The following SEPSECS variants were observed in gnomAD, a reference collection of about 807,000 sequenced individuals.
SEPSECS encodes O-phosphoseryl-tRNA(Sec) selenium transferase.
Under a neutral mutation model 52.1 loss-of-function variants are expected in SEPSECS, and 42 were observed. The observed-to-expected ratio is 0.81, with a 90% confidence interval of 0.63 to 1.04. The LOEUF is 1.04. Among genes scored for constraint, SEPSECS ranks in the 50% least tolerant of loss-of-function variants. The probability of loss-of-function intolerance (pLI) is 0.00; values close to 1 mark genes in which losing one functional copy is unlikely to be tolerated. For missense variants in SEPSECS, 590 were observed against 610.6 expected (o/e 0.97, Z 0.36); for synonymous variants, 216 against 211.4 (o/e 1.02, Z -0.19).
chr4:25,152,241 T>G (rs572968777), intron 5 of SEPSECS, among the ~76,000 whole-genome samples, 179 bp from the exon 6 acceptor site: 2 of 152,210 alleles, frequency 1.3e-5, no homozygotes, highest in Non-Finnish European at 2.9e-5. Context: ...TGGAAATACA[T>G]AGCAAGCTCT....
rs563170227 is a variant in SEPSECS, at chr4:25,137,368, A to G, written c.1026+7406T>C. ...CAATGAACGTAAACAAATTTACAAG[A>G]AAAAAAATCAAACAACCCCATAAAA... On this transcript the variant is annotated intron_variant, in intron 8 of 10. Coordinates refer to ENST00000382103, the MANE Select transcript of SEPSECS (RefSeq NM_016955.4). Among the ~76,000 whole-genome samples, 16 of 152,160 alleles carry G rather than the reference A, an allele frequency of 1.1e-4. 1 individual carries two copies. The highest frequency in any genetic ancestry group is 9.8e-4 in the Admixed American group (15 of 15,276).
intron 8 of SEPSECS, among the ~76,000 whole-genome samples, chr4:25,127,848 T>C (rs1728445763): frequency 6.6e-6 from 1 of 152,180 alleles, no homozygotes; most frequent in Admixed American, 6.5e-5. Context: ...CCCCACATAA[T>C]GTGACCCAGC....
chr4:25,159,892 C>T, intron 1 of SEPSECS: 2 of 1,153,550 alleles, frequency 1.7e-6, no homozygotes, highest in Non-Finnish European at 2.2e-6. Flanking sequence ...TCTACAAACA[C>T]CATTATGTGT....
Position 25,145,878 on chromosome 4 carries a change from A to G in SEPSECS, c.805-745T>C, listed in dbSNP as rs115115618. On this transcript the variant is annotated intron_variant, in intron 6 of 10. Coordinates refer to ENST00000382103, the MANE Select transcript of SEPSECS (RefSeq NM_016955.4). ...CAAAGTTTTACTTTTAACATCACTT[A>G]ATGGAAGTTTTATTTGTATACTCTT... 8.1e-3 allele frequency among the ~76,000 whole-genome samples: 1,230 copies of G among 152,272 alleles called. 17 individuals are homozygous for G. The highest frequency in any genetic ancestry group is 0.028 in the African/African-American group (1,150 of 41,546).
chr4:25,158,928 T>C (rs993174396), intron 2 of SEPSECS, 25 bp downstream of exon 2: 1 of 1,605,826 alleles, frequency 6.2e-7, no homozygotes, highest in Non-Finnish European at 8.5e-7. Context: ...ACGATGTATC[T>C]CCTGTACTAC....
intron 8 of SEPSECS, among the ~76,000 whole-genome samples, chr4:25,130,809 C>T (rs16876884): frequency 0.16 from 24,889 of 151,988 alleles, 2,099 homozygotes; most frequent in East Asian, 0.31. Context: ...CAGTTTTTTA[C>T]CTGATATATT....
intron 8 of SEPSECS, among the ~76,000 whole-genome samples, chr4:25,137,768 A>G (rs1728900511): frequency 6.6e-6 from 1 of 152,234 alleles, no homozygotes; most frequent in South Asian, 2.1e-4. Context: ...ATGCACATGT[A>G]TGTTCAATGC....
chr4:25,147,990 T>C (rs1353445766), intron 6 of SEPSECS, among the ~76,000 whole-genome samples: 1 of 152,152 alleles, frequency 6.6e-6, no homozygotes, highest in East Asian at 1.9e-4. Context: ...ACTTATTTTA[T>C]TTCCCCATGT....
Position 25,159,010 on chromosome 4 carries a change from C to T in SEPSECS, c.212G>A (p.Gly71Asp). 6.2e-7 allele frequency: 1 copy of T among 1,613,872 alleles called. No homozygotes were observed. The highest frequency in any genetic ancestry group is 8.5e-7 in the Non-Finnish European group (1 of 1,179,850). Residue 71 changes from glycine to aspartate, a missense_variant, in exon 2 of 11, where the codon GGT (glycine) becomes GAT (aspartate). Transcript: ENST00000382103. ...MDSNNFLGNC[G>D]VGEREGRVAS... ...CACTCTCCCTTCCCTTTCTCCCACA[C>T]CACAATTGCCTAAGAAATTGTTGCT... is the stretch of plus-strand genomic sequence containing the variant.
chr4:25,126,252 G>T (rs1368890458), intron 9 of SEPSECS, among the ~76,000 whole-genome samples: 2 of 152,020 alleles, frequency 1.3e-5, no homozygotes, highest in Admixed American at 1.3e-4. Context: ...ATTTACTAAG[G>T]ACTCGCCATG....
chr4:25,160,387 T>A lies in SEPSECS; in HGVS notation c.-18A>T. 1 of 1,539,620 alleles carries A rather than the reference T, an allele frequency of 6.5e-7. No individual in the cohort carries two copies. The highest frequency in any genetic ancestry group is 2.0e-5 in the Admixed American group (1 of 50,546). ...CGGTTCATGACAGCGGTGGCGACAG[T>A]GGCGAATAAGCGGGAGCACTAGCTC... is the stretch of plus-strand genomic sequence containing the variant. On this transcript the variant is annotated 5_prime_UTR_variant, in exon 1 of 11. Coordinates refer to ENST00000382103, the MANE Select transcript of SEPSECS (RefSeq NM_016955.4).
intron 1 of SEPSECS, chr4:25,159,849 C>T (rs1712948580): frequency 9.2e-7 from 1 of 1,082,764 alleles, no homozygotes; most frequent in Non-Finnish European, 1.1e-6. Context: ...TGTGAAGTTC[C>T]GCGGAAAGCT....
At position 25,120,139 on chromosome 4, in the gene SEPSECS, T is replaced by G. The variant is rs1020370750; in HGVS notation, c.*3792A>C. On this transcript the variant is annotated 3_prime_UTR_variant, in exon 11 of 11. Coordinates refer to ENST00000382103, the MANE Select transcript of SEPSECS (RefSeq NM_016955.4). ...GGTAAAACAGGTTAGCAGGCTGACA[T>G]CAGCTTCATATTCTCATGGCTAAAA... is the stretch of plus-strand genomic sequence containing the variant. The G allele has an allele frequency of 2.6e-5, 4 of 152,158 alleles. No individual in the cohort carries two copies. The highest frequency in any genetic ancestry group is 6.5e-5 in the Admixed American group (1 of 15,274). The allele number at this position is 152,158 out of a possible 1,614,324, so 9.4% of individuals were successfully genotyped here. A position where few individuals can be genotyped will look rare whatever the true frequency, so the allele number is the denominator to read the frequency against.
In SEPSECS at chr4:25,122,457, T is replaced by G. The variant is rs1383481358; in HGVS notation, c.*1474A>C. The G allele has an allele frequency of 6.6e-6, 1 of 152,218 alleles. No individual in the cohort carries two copies. The highest frequency in any genetic ancestry group is 6.5e-5 in the Admixed American group (1 of 15,270). The allele number at this position is 152,218 out of a possible 1,614,324, so 9.4% of individuals were successfully genotyped here. The stretch of plus-strand genomic sequence containing the variant: ...CTCTACCATAGTGTTTTTAAAAGTA[T>G]GTTCAATGGGCTGTTAACAAATATT... On this transcript the variant is annotated 3_prime_UTR_variant, in exon 11 of 11. Coordinates refer to ENST00000382103, the MANE Select transcript of SEPSECS (RefSeq NM_016955.4).
chr4:25,151,743 T>C (rs1056684389), intron 6 of SEPSECS, among the ~76,000 whole-genome samples: 1 of 152,224 alleles, frequency 6.6e-6, no homozygotes, highest in African/African-American at 2.4e-5. Context: ...TCTATGTTGA[T>C]TCTAGCCTAC....
chr4:25,123,749 T>G lies in SEPSECS; in HGVS notation c.*182A>C. ...ACCTGTTAAGGATCACAAGGATTGA[T>G]GCAGTCTAAGAATGGGAAACTTAAC... On this transcript the variant is annotated 3_prime_UTR_variant, in exon 11 of 11. Coordinates refer to ENST00000382103, the MANE Select transcript of SEPSECS (RefSeq NM_016955.4). 1 of 603,268 alleles carries G rather than the reference T, an allele frequency of 1.7e-6. No individual in the cohort carries two copies. The highest frequency in any genetic ancestry group is 3.0e-6 in the Non-Finnish European group (1 of 338,116). 37.4% of individuals were successfully genotyped at this position (603,268 alleles called of 1,614,324 possible).
chr4:25,141,277 T>C (rs1322282171), intron 8 of SEPSECS, among the ~76,000 whole-genome samples: 1 of 152,220 alleles, frequency 6.6e-6, no homozygotes, highest in African/African-American at 2.4e-5. Context: ...TCAGTCCTTA[T>C]ACCTCTTTTC....
intron 6 of SEPSECS, among the ~76,000 whole-genome samples, chr4:25,146,596 G>A (rs1464016567): frequency 6.6e-6 from 1 of 152,144 alleles, no homozygotes; most frequent in African/African-American, 2.4e-5. Context: ...AACCTAAACT[G>A]GAAGCAGAAG....
Position 25,124,011 on chromosome 4 carries a change from T to A in SEPSECS, c.1426A>T (p.Thr476Ser), listed in dbSNP as rs781107013. The change falls in exon 11 of 11, where the codon ACT becomes TCT. Residue 476 changes from threonine to serine, a missense_variant. Physicochemically the swap from Thr to Ser is moderately conservative, Grantham distance 58. Coordinates refer to ENST00000382103, the MANE Select transcript of SEPSECS (RefSeq NM_016955.4). ...ATTTCTTCAATATCCACATCTTCAGTTTTGTCATAATTGTCATCACTCTCT... is the reference window on the plus strand; with the variant it reads ...ATTTCTTCAATATCCACATCTTCAGATTTGTCATAATTGTCATCACTCTCT... Reference protein sequence around the residue: ...SKESDDNYDKTEDVDIEEMAL... With the variant: ...SKESDDNYDKSEDVDIEEMAL... The A allele has an allele frequency of 3.7e-6, 6 of 1,613,430 alleles. No individual in the cohort carries two copies. Among genetic ancestry groups the A allele is most frequent in the Non-Finnish European group, 5.1e-6 (6 of 1,179,588 alleles).
Sources: allele counts gnomAD v4.1 joint callset (sites outside exome capture counted in the v4.1 genomes callset), GRCh38; gene constraint gnomAD v4.1.1; transcripts MANE v1.5; gene names NCBI Gene and HGNC (gene_info 2026-07-23, HGNC 2026-07-21).